SAMD8: variants seen among roughly 807,000 people sequenced by gnomAD.
SAMD8 encodes the protein sterile alpha motif domain containing 8.
Under a neutral mutation model 42.0 loss-of-function variants are expected in SAMD8, and 20 were observed. The ratio of observed to expected loss-of-function variants is 0.48; its 90% CI spans 0.34 to 0.69. The LOEUF (loss-of-function observed/expected upper bound fraction) is 0.69, where lower values mean the gene tolerates loss of function less well. Among genes scored for constraint, SAMD8 ranks in the 30% least tolerant of loss-of-function variants. The pLI, the probability that SAMD8 is intolerant of heterozygous loss-of-function variation, is 0.01. For synonymous variants in SAMD8, 162 were observed against 173.0 expected (o/e 0.94, Z 0.50); for missense variants, 328 against 511.6 (o/e 0.64, Z 3.46).
rs138221987 is a variant in SAMD8 at position 75,126,958 on chromosome 10, C to T, written c.-16+15236C>T. Among the ~76,000 whole-genome samples the T allele has an allele frequency of 3.4e-3, 518 of 152,102 alleles. 2 individuals are homozygous for T. The highest frequency in any genetic ancestry group is 0.012 in the African/African-American group (479 of 41,504). On this transcript the variant is annotated intron_variant, in intron 1 of 5. Transcript: ENST00000542569. ...ATCCCAGCACTTTGGGAAGCCGAGGCGGGTAGATCACCTGAGGTCAACGGT... is the reference window on the plus strand; with the variant it reads ...ATCCCAGCACTTTGGGAAGCCGAGGTGGGTAGATCACCTGAGGTCAACGGT...
chr10:75,172,130 C>A lies in SAMD8; in HGVS notation c.792+3472C>A, dbSNP rs528194505. 5.3e-5 allele frequency among the ~76,000 whole-genome samples: 8 copies of A among 152,140 alleles called. No individual in the cohort carries two copies. In the East Asian group the frequency reaches 1.5e-3, roughly 29 times the overall value. On this transcript the variant is annotated intron_variant, in intron 4 of 5. Coordinates refer to ENST00000542569, the MANE Select transcript of SAMD8 (RefSeq NM_001174156.2). ...GCGTGTCAGCTTTCTCACCCTCTTG[C>A]CAGCAGTGCCATTCTGATTGATGAA...
chr10:75,159,867 TA>T (rs1840516216), intron 2 of SAMD8, among the ~76,000 whole-genome samples: 1 of 152,204 alleles, frequency 6.6e-6, no homozygotes, highest in South Asian at 2.1e-4. Context: ...CATTTCCCTG[TA>T]ATTGACTTTC....
At chr10:75,117,494 T>C (rs1361909556) in intron 1 of SAMD8, among the ~76,000 whole-genome samples, 1 of 151,830 alleles carries the variant, frequency 6.6e-6, no homozygotes, top group Non-Finnish European at 1.5e-5. Context: ...GTGGGTGGCT[T>C]ACTTGAGGTC....
At chr10:75,118,622 C>T (rs1043339104) in intron 1 of SAMD8, among the ~76,000 whole-genome samples, 7 of 151,994 alleles carry the variant, frequency 4.6e-5, no homozygotes, top group Non-Finnish European at 2.9e-5. Flanking sequence ...CCAGCCTGGG[C>T]GACAGAGCAA....
In SAMD8 at chr10:75,150,930, GA is replaced by G; in HGVS notation, c.404del (p.Asn135MetfsTer20). On this transcript the variant is annotated frameshift_variant, in exon 2 of 6. Transcript: ENST00000542569. LOFTEE classifies it high-confidence loss of function. ...DLNSDQYQYM[N>X]GKNKHSVRRL... is the part of the protein sequence containing the mutation. ...TGAATTCTGATCAGTACCAGTACATGAATGGTAAAAACAAACATTCTGTTCG... is the reference window on the plus strand; with the variant it reads ...TGAATTCTGATCAGTACCAGTACATGATGGTAAAAACAAACATTCTGTTCG... The G allele has an allele frequency of 6.2e-7, 1 of 1,612,958 alleles. No individual in the cohort carries two copies. The highest frequency in any genetic ancestry group is 8.5e-7 in the Non-Finnish European group (1 of 1,179,542).
rs761597708 is a variant in SAMD8, at chr10:75,176,018, C to G, written c.793-48C>G. ...AATAGGAATGGATGTTGGGAAGTTC[C>G]CACCTCCCTAAGCATTTGAAGCACT... On this transcript the variant is annotated intron_variant, in intron 4 of 5. Transcript: ENST00000542569. This position sits in a 1 kb window ranked among gnomAD's most constrained non-coding sequence, Gnocchi z 4.3. 1 of 1,572,082 alleles carries G rather than the reference C, an allele frequency of 6.4e-7. No individual in the cohort carries two copies. The highest frequency in any genetic ancestry group is 1.2e-5 in the South Asian group (1 of 84,324).
chr10:75,157,202 G>A (rs1279168953), intron 2 of SAMD8, among the ~76,000 whole-genome samples: 4 of 151,710 alleles, frequency 2.6e-5, no homozygotes, highest in Non-Finnish European at 4.4e-5. Flanking sequence ...AATTTTTCAC[G>A]TTAAAAGAAT....
intron 2 of SAMD8, among the ~76,000 whole-genome samples, chr10:75,153,520 A>G (rs1840339585): frequency 6.6e-6 from 1 of 151,620 alleles, no homozygotes; most frequent in Non-Finnish European, 1.5e-5. Flanking sequence ...AGACTGAGGC[A>G]GGAGAATTGC....
intron 1 of SAMD8, among the ~76,000 whole-genome samples, chr10:75,138,503 G>A (rs959941884): frequency 2.6e-5 from 4 of 152,192 alleles, no homozygotes; most frequent in African/African-American, 9.7e-5. Flanking sequence ...ACTCTAATGG[G>A]ATGCATTAAA....
At chr10:75,109,674 G>A (rs1172421502), upstream of SAMD8, among the ~76,000 whole-genome samples, 1 of 152,188 alleles carries the variant, frequency 6.6e-6, no homozygotes, top group Non-Finnish European at 1.5e-5. Flanking sequence ...AGCTGGATTG[G>A]ATGTCTGTTG....
intron 4 of SAMD8, among the ~76,000 whole-genome samples, chr10:75,171,800 G>A (rs773840170): frequency 4.6e-5 from 7 of 152,064 alleles, no homozygotes; most frequent in Non-Finnish European, 8.8e-5. Flanking sequence ...CAAGGTGGGC[G>A]GATCACTTGA....
At chr10:75,135,953 A>G (rs1839878299) in intron 1 of SAMD8, among the ~76,000 whole-genome samples, 1 of 152,010 alleles carries the variant, frequency 6.6e-6, no homozygotes, top group South Asian at 2.1e-4. Flanking sequence ...TGTGCTAATC[A>G]TATAGGCCTT....
At chr10:75,115,792 T>A (rs1480849118) in intron 1 of SAMD8, among the ~76,000 whole-genome samples, 1 of 151,776 alleles carries the variant, frequency 6.6e-6, no homozygotes, top group Non-Finnish European at 1.5e-5. Context: ...TACAAAAAAA[T>A]TAGCCGGGCC....
intron 1 of SAMD8, among the ~76,000 whole-genome samples, chr10:75,100,424 C>G (rs373215528): frequency 2.0e-5 from 3 of 152,206 alleles, no homozygotes; most frequent in African/African-American, 7.2e-5. Flanking sequence ...CGGCCACCCC[C>G]CCAGGGACTC....
chr10:75,102,948 G>A (rs1342074817), intron 1 of SAMD8, among the ~76,000 whole-genome samples: 2 of 151,798 alleles, frequency 1.3e-5, no homozygotes, highest in Non-Finnish European at 2.9e-5. Flanking sequence ...ACGAAACTCC[G>A]TCTCCAAAAA....
rs1004211872 is a variant in SAMD8 at position 75,175,994 on chromosome 10, A to G, written c.793-72A>G. The G allele has an allele frequency of 9.1e-6, 14 of 1,540,032 alleles. No individual in the cohort carries two copies. In the African/African-American group the frequency reaches 1.5e-4, roughly 17 times the overall value. ...TAAGTTATTCAGCATTTGAATTTCA[A>G]TAGGAATGGATGTTGGGAAGTTCCC... On this transcript the variant is annotated intron_variant, in intron 4 of 5. Transcript: ENST00000542569.
intron 1 of SAMD8, among the ~76,000 whole-genome samples, chr10:75,103,227 T>C (rs1243965843): frequency 6.6e-6 from 1 of 152,214 alleles, no homozygotes; most frequent in Non-Finnish European, 1.5e-5. Context: ...TGTAAACTGG[T>C]GGCATTGCCA....
At chr10:75,117,935 T>C (rs1272768170) in intron 1 of SAMD8, among the ~76,000 whole-genome samples, 4 of 152,330 alleles carry the variant, frequency 2.6e-5, no homozygotes, top group East Asian at 3.9e-4. Flanking sequence ...CGGTAATATC[T>C]GTCAGATTCT....
At chr10:75,133,779 A>G (rs1849325286) in intron 1 of SAMD8, among the ~76,000 whole-genome samples, 1 of 152,216 alleles carries the variant, frequency 6.6e-6, no homozygotes. Flanking sequence ...TAGAAGTAGA[A>G]AGTAGGATAG....
Sources: gnomAD v4.1 joint callset for allele counts (sites outside exome capture counted in the v4.1 genomes callset) on GRCh38, gnomAD v4.1.1 for gene constraint, Gnocchi (gnomAD v3.1) non-coding constraint, MANE v1.5 for transcripts, NCBI Gene and HGNC (gene_info 2026-07-23, HGNC 2026-07-21) for gene names.